NCKAP5: variants seen among roughly 807,000 people sequenced by gnomAD.
NCKAP5 encodes the protein nck-associated protein 5.
In NCKAP5, 92 loss-of-function variants were observed where a neutral mutation model predicts 167.0. The observed-to-expected ratio is 0.55, with a 90% CI of 0.47 to 0.66. The LOEUF is 0.66. NCKAP5 is among the 30% of genes least tolerant of loss of function. The probability of loss-of-function intolerance (pLI) is 0.00; values close to 1 mark genes in which losing one functional copy is unlikely to be tolerated. For missense variants in NCKAP5, 2,378 were observed against 2,315.0 expected, an observed-to-expected ratio of 1.03 and a Z score of -0.56; for synonymous variants, 891 against 877.4, an observed-to-expected ratio of 1.02 and a Z score of -0.27.
At chr2:133,575,072 G>A in the NCKAP5 span, among the ~76,000 whole-genome samples, 1 of 152,186 alleles carries the variant, frequency 6.6e-6, no homozygotes. Context: ...AATTGCCTGT[G>A]CTTTCTCCAA....
At chr2:133,000,497 A>G (rs924525554) in intron 6 of NCKAP5, among the ~76,000 whole-genome samples, 3 of 152,192 alleles carry the variant, frequency 2.0e-5, no homozygotes, top group African/African-American at 7.2e-5. Context: ...ACTTGCAATA[A>G]AATACTAGCT....
intron 4 of NCKAP5, among the ~76,000 whole-genome samples, chr2:133,253,533 C>T (rs2150345839): frequency 6.6e-6 from 1 of 152,266 alleles, no homozygotes; most frequent in South Asian, 2.1e-4. Flanking sequence ...TCAATGCCCC[C>T]ATGCCTTGGA....
At position 133,101,301 on chromosome 2, in the gene NCKAP5, T is replaced by C. The variant is rs527460600; in HGVS notation, c.341+28677A>G. 2.3e-4 allele frequency among the ~76,000 whole-genome samples: 32 copies of C among 141,320 alleles called. No homozygotes were observed. The Middle Eastern group carries it at 0.014, about 62-fold the overall frequency. 92.7% of individuals were successfully genotyped at this position (141,320 alleles called of 152,430 possible). ...ACCAGTACCATGCTGTTTTGGTTAC[T>C]GTAGCCTTGTAGTATAGTTTGAAGT... is the stretch of plus-strand genomic sequence containing the variant. On this transcript the variant is annotated intron_variant, in intron 6 of 19. Transcript: ENST00000409261.
the NCKAP5 span, among the ~76,000 whole-genome samples, chr2:133,661,749 G>A: frequency 6.6e-6 from 1 of 152,098 alleles, no homozygotes; most frequent in Admixed American, 6.5e-5. Context: ...CCATACCCAA[G>A]CCCTTTCCCC....
At chr2:133,108,845 G>C (rs2081810174) in intron 6 of NCKAP5, among the ~76,000 whole-genome samples, 1 of 152,176 alleles carries the variant, frequency 6.6e-6, no homozygotes, top group African/African-American at 2.4e-5. Flanking sequence ...CCTCATCCAT[G>C]TTGTCACAAG....
intron 7 of NCKAP5, among the ~76,000 whole-genome samples, chr2:132,967,009 C>CCTTG (rs775591672): frequency 5.9e-5 from 9 of 152,116 alleles, no homozygotes; most frequent in Non-Finnish European, 1.3e-4. Flanking sequence ...GTAACGTGAA[C>CCTTG]CTTGGGTGAC....
At chr2:133,663,326 T>C in the NCKAP5 span, among the ~76,000 whole-genome samples, 2 of 152,080 alleles carry the variant, frequency 1.3e-5, no homozygotes, top group African/African-American at 2.4e-5. Flanking sequence ...GTTGTAATCT[T>C]TTTGCTGGTG....
At chr2:133,578,959 A>G in the NCKAP5 span, among the ~76,000 whole-genome samples, 1 of 152,226 alleles carries the variant, frequency 6.6e-6, no homozygotes, top group African/African-American at 2.4e-5. Context: ...ATCTGTTCTT[A>G]AGAAACACAT....
chr2:133,162,971 C>G (rs2083859003), intron 5 of NCKAP5, among the ~76,000 whole-genome samples: 1 of 152,134 alleles, frequency 6.6e-6, no homozygotes, highest in Admixed American at 6.5e-5. Flanking sequence ...GATGCTTTCA[C>G]CTCCATAAAA....
At chr2:133,213,062 C>G (rs746636790) in intron 5 of NCKAP5, among the ~76,000 whole-genome samples, 9 of 152,146 alleles carry the variant, frequency 5.9e-5, no homozygotes, top group Non-Finnish European at 8.8e-5. Flanking sequence ...GAAGTAGCAA[C>G]AGCAGTTACT....
At chr2:132,889,983 A>G (rs949042627) in intron 8 of NCKAP5, among the ~76,000 whole-genome samples, 2 of 152,300 alleles carry the variant, frequency 1.3e-5, no homozygotes, top group East Asian at 3.9e-4. Context: ...AAAACGACCA[A>G]TTCACAGTAG....
At chr2:132,807,263 T>G (rs1282672502) in intron 11 of NCKAP5, among the ~76,000 whole-genome samples, 1 of 152,164 alleles carries the variant, frequency 6.6e-6, no homozygotes, top group Non-Finnish European at 1.5e-5. Flanking sequence ...TCCATATGAA[T>G]TTTAGAATTG....
At chr2:132,756,605 T>A (rs941331028) in intron 16 of NCKAP5, among the ~76,000 whole-genome samples, 12 of 151,888 alleles carry the variant, frequency 7.9e-5, no homozygotes, top group African/African-American at 2.2e-4. Context: ...TAAGTTCTTT[T>A]AAAAAAAAAT....
In NCKAP5 at chr2:132,878,920, C is replaced by T. The variant is rs765163977; in HGVS notation, c.580-4G>A. On this transcript the variant is annotated splice_region_variant and splice_polypyrimidine_tract_variant and intron_variant, in intron 8 of 19. Transcript: ENST00000409261. ...AAGCCAACGCTGAATTCTCTGCCTG[C>T]AGTAAGATACAAAAATAACACAAAT... The T allele has an allele frequency of 6.2e-6, 10 of 1,609,106 alleles. No homozygotes were observed. The East Asian group carries it at 1.1e-4, about 18-fold the overall frequency.
At chr2:133,180,931 A>C (rs1490007231) in intron 5 of NCKAP5, among the ~76,000 whole-genome samples, 1 of 152,144 alleles carries the variant, frequency 6.6e-6, no homozygotes. Flanking sequence ...TATGTATCTA[A>C]TAAGGGATTA....
chr2:132,673,138 T>C lies in NCKAP5; in HGVS notation c.*151A>G, dbSNP rs1683953033. The C allele has an allele frequency of 1.5e-6, 2 of 1,355,056 alleles. No individual in the cohort carries two copies. The highest frequency in any genetic ancestry group is 3.0e-5 in the African/African-American group (2 of 66,640). The allele number at this position is 1,355,056 out of a possible 1,614,324, so 83.9% of individuals were successfully genotyped here. A position where few individuals can be genotyped will look rare whatever the true frequency, so the allele number is the denominator to read the frequency against. On this transcript the variant is annotated 3_prime_UTR_variant, in exon 20 of 20. Coordinates refer to ENST00000409261, the MANE Select transcript of NCKAP5 (RefSeq NM_207363.3). ...TATCTGAACTACTCAAAGATGTCTC[T>C]TCATTTTTTTCTTTTTCTTCCTTCT...
the NCKAP5 span, among the ~76,000 whole-genome samples, chr2:133,574,088 T>C: frequency 2.0e-5 from 3 of 152,006 alleles, no homozygotes; most frequent in Admixed American, 2.0e-4. Flanking sequence ...TGGGAGGCCA[T>C]TAAAATCAGT....
At chr2:133,085,663 T>A (rs187290314) in intron 6 of NCKAP5, among the ~76,000 whole-genome samples, 53 of 152,250 alleles carry the variant, frequency 3.5e-4, no homozygotes, top group African/African-American at 1.2e-3. Flanking sequence ...ATAAGTGATG[T>A]GGCAGTTAGA....
chr2:133,653,520 T>A, the NCKAP5 span, among the ~76,000 whole-genome samples: 37 of 152,338 alleles, frequency 2.4e-4, no homozygotes, highest in East Asian at 7.1e-3. Context: ...AAAATAAACA[T>A]GAGTCTATCT....
Sources: allele counts gnomAD v4.1 joint callset (sites outside exome capture counted in the v4.1 genomes callset), GRCh38; gene constraint gnomAD v4.1.1; transcripts MANE v1.5; gene names NCBI Gene and HGNC (gene_info 2026-07-23, HGNC 2026-07-21).